IL15RA: variants seen among roughly 807,000 people sequenced by gnomAD.
The protein encoded by IL15RA is interleukin-15 receptor subunit alpha.
Under a neutral mutation model 24.2 loss-of-function variants are expected in IL15RA, and 26 were observed. The ratio of observed to expected loss-of-function variants is 1.07; its 90% CI spans 0.79 to 1.49. The LOEUF (loss-of-function observed/expected upper bound fraction) is 1.49. Ranked by LOEUF, IL15RA falls within the 40% of genes most tolerant of loss-of-function variation. The pLI is 0.00. For synonymous variants in IL15RA, 166 were observed against 157.6 expected (o/e 1.05, Z -0.40); for missense variants, 354 against 356.4 (o/e 0.99, Z 0.05).
chr10:5,950,581 G>A (rs17146980), downstream of IL15RA, among the ~76,000 whole-genome samples: 17,365 of 152,190 alleles, frequency 0.11, 1,220 homozygotes, highest in South Asian at 0.18. This position sits in a 1 kb window ranked among gnomAD's most constrained non-coding sequence, Gnocchi z 5.6. Context: ...CAAAGGACCT[G>A]TGTTGATTCC....
chr10:5,956,273 C>A, intron 6 of IL15RA, 106 bp downstream of exon 6: 1 of 875,324 alleles, frequency 1.1e-6, no homozygotes, highest in Non-Finnish European at 1.9e-6. Context: ...CCTTGGCCTC[C>A]CAAAGTGCTG....
upstream of IL15RA, chr10:5,977,723 C>G: frequency 9.2e-7 from 1 of 1,091,054 alleles, no homozygotes; most frequent in Non-Finnish European, 1.2e-6. Flanking sequence ...ACCGCACAGC[C>G]ACCCCTGTCC....
chr10:5,971,006 A>G lies in IL15RA; in HGVS notation c.89-4667T>C, dbSNP rs1347515649. On this transcript the variant is annotated intron_variant, in intron 1 of 6. Coordinates refer to ENST00000379977, the MANE Select transcript of IL15RA (RefSeq NM_002189.4). This position sits in a 1 kb window ranked among gnomAD's most constrained non-coding sequence, Gnocchi z 5.5. ...CTCCTGAACTCAAGCCGTCCTCCAG[A>G]GATAATACATTTAATTGAAGCAATA... Among the ~76,000 whole-genome samples, 2 of 152,048 alleles carry G rather than the reference A, an allele frequency of 1.3e-5. No individual in the cohort carries two copies. Among genetic ancestry groups the G allele is most frequent in the Non-Finnish European group, 2.9e-5 (2 of 68,006 alleles).
Position 5,953,898 on chromosome 10 carries a change from T to A in IL15RA, c.693-692A>T, listed in dbSNP as rs1834141241. The A allele has an allele frequency of 6.4e-6, 1 of 155,278 alleles. No homozygotes were observed. Among genetic ancestry groups the A allele is most frequent in the Non-Finnish European group, 1.4e-5 (1 of 69,938 alleles). 9.6% of individuals were successfully genotyped at this position (155,278 alleles called of 1,614,324 possible). The stretch of plus-strand genomic sequence containing the variant: ...TGCCTGGGTGCTGATGCCCTGGGCA[T>A]CTGGCCGGCACCTTCTACCAGGGCT... On this transcript the variant is annotated intron_variant, in intron 6 of 6. Transcript: ENST00000379977. The surrounding 1 kb of genome is among the most constrained non-coding windows in gnomAD (Gnocchi z 5.3).
chr10:5,969,852 A>G (rs564800045), intron 1 of IL15RA, among the ~76,000 whole-genome samples: 3 of 152,364 alleles, frequency 2.0e-5, no homozygotes, highest in African/African-American at 4.8e-5. Context: ...TTCTCCAGAA[A>G]TGTTTTATAA....
chr10:5,977,186 G>A (rs921623637), intron 1 of IL15RA: 3 of 347,982 alleles, frequency 8.6e-6, no homozygotes, highest in Non-Finnish European at 1.0e-5. Flanking sequence ...GGTGACCCGG[G>A]CGCAGCGGCG....
Position 5,962,515 on chromosome 10 carries a change from C to T in IL15RA, c.382+1228G>A, listed in dbSNP as rs1157203722. On this transcript the variant is annotated intron_variant, in intron 3 of 6. Transcript: ENST00000379977. The surrounding 1 kb of genome is among the most constrained non-coding windows in gnomAD (Gnocchi z 5.2). ...GCTGAGGCAGGAAAATCACTTGAAC[C>T]TGGGAGGCAGAGGTTGCAGTGAGCC... Among the ~76,000 whole-genome samples, 1 of 151,038 alleles carries T rather than the reference C, an allele frequency of 6.6e-6. No individual in the cohort carries two copies. The highest frequency in any genetic ancestry group is 1.5e-5 in the Non-Finnish European group (1 of 67,908).
chr10:5,975,496 G>A lies in IL15RA; in HGVS notation c.88+1909C>T, dbSNP rs1265478671. On this transcript the variant is annotated intron_variant, in intron 1 of 6. Coordinates refer to ENST00000379977, the MANE Select transcript of IL15RA (RefSeq NM_002189.4). The surrounding 1 kb of genome is among the most constrained non-coding windows in gnomAD (Gnocchi z 4.8). ...CTTGGTGGTGGCAGTGGTTTCATGA[G>A]TATGTATGCATTTACCTCCAAACTT... is the stretch of plus-strand genomic sequence containing the variant. 6.6e-6 allele frequency among the ~76,000 whole-genome samples: 1 copy of A among 150,802 alleles called. No homozygotes were observed. The highest frequency in any genetic ancestry group is 2.5e-5 in the African/African-American group (1 of 40,378).
intron 1 of IL15RA, among the ~76,000 whole-genome samples, chr10:5,972,161 A>G (rs762190356): frequency 6.6e-6 from 1 of 152,058 alleles, no homozygotes; most frequent in Non-Finnish European, 1.5e-5. Context: ...AACAAGAGCA[A>G]CCTTTCCACC....
rs1836793653 is a variant in IL15RA at position 5,967,565 on chromosome 10, C to T, written c.89-1226G>A. Among the ~76,000 whole-genome samples, 1 of 152,216 alleles carries T rather than the reference C, an allele frequency of 6.6e-6. No homozygotes were observed. The highest frequency in any genetic ancestry group is 1.5e-5 in the Non-Finnish European group (1 of 68,032). On this transcript the variant is annotated intron_variant, in intron 1 of 6. Transcript: ENST00000379977. This position sits in a 1 kb window ranked among gnomAD's most constrained non-coding sequence, Gnocchi z 4.4. The stretch of plus-strand genomic sequence containing the variant: ...TATTCCCCATGAAGCATCATTTTCC[C>T]AAAGGCTGCTGTTGCTTTCAGCTCT...
chr10:5,966,412 G>A lies in IL15RA; in HGVS notation c.89-73C>T. 7.9e-7 allele frequency: 1 copy of A among 1,269,092 alleles called. No individual in the cohort carries two copies. The highest frequency in any genetic ancestry group is 1.1e-6 in the Non-Finnish European group (1 of 889,074). 78.6% of individuals were successfully genotyped at this position (1,269,092 alleles called of 1,614,324 possible). ...AAGAGGCGTTCTCCAGGCACACGCAGCGGTAGTCAGTGTCCAGCTTATCCT... is the reference window on the plus strand; with the variant it reads ...AAGAGGCGTTCTCCAGGCACACGCAACGGTAGTCAGTGTCCAGCTTATCCT... On this transcript the variant is annotated intron_variant, in intron 1 of 6. Coordinates refer to ENST00000379977, the MANE Select transcript of IL15RA (RefSeq NM_002189.4). This position sits in a 1 kb window ranked among gnomAD's most constrained non-coding sequence, Gnocchi z 6.4.
At chr10:5,954,820 A>G (rs1251043161) in intron 6 of IL15RA, among the ~76,000 whole-genome samples, 1 of 152,192 alleles carries the variant, frequency 6.6e-6, no homozygotes, top group South Asian at 2.1e-4. Context: ...GAAATTCTGT[A>G]GTTATTAATA....
Position 5,952,897 on chromosome 10 carries a change from G to A in IL15RA, c.*198C>T. On this transcript the variant is annotated 3_prime_UTR_variant, in exon 7 of 7. Coordinates refer to ENST00000379977, the MANE Select transcript of IL15RA (RefSeq NM_002189.4). ...AAGGCACGACAGGCAGGCAGGTGGT[G>A]CCCATGGGAATGCGGAGAACCTGCT... is the stretch of plus-strand genomic sequence containing the variant. The A allele has an allele frequency of 1.6e-6, 1 of 607,912 alleles. No homozygotes were observed. The highest frequency in any genetic ancestry group is 2.9e-6 in the Non-Finnish European group (1 of 340,958). The allele number at this position is 607,912 out of a possible 1,614,324, so 37.7% of individuals were successfully genotyped here.
In IL15RA at chr10:5,960,178, A is replaced by T. The variant is rs1210374759; in HGVS notation, c.583+189T>A. The stretch of plus-strand genomic sequence containing the variant: ...GTGGGCTTGCTTTTGCAGCTGCCCC[A>T]GCCACAGAGAAAGCCACGGAGAAAG... On this transcript the variant is annotated intron_variant, in intron 4 of 6. Coordinates refer to ENST00000379977, the MANE Select transcript of IL15RA (RefSeq NM_002189.4). This position sits in a 1 kb window ranked among gnomAD's most constrained non-coding sequence, Gnocchi z 5.1. Among the ~76,000 whole-genome samples, 1 of 152,174 alleles carries T rather than the reference A, an allele frequency of 6.6e-6. No individual in the cohort carries two copies. Among genetic ancestry groups the T allele is most frequent in the Non-Finnish European group, 1.5e-5 (1 of 68,034 alleles).
chr10:5,962,323 G>T lies in IL15RA; in HGVS notation c.382+1420C>A, dbSNP rs1262663201. On this transcript the variant is annotated intron_variant, in intron 3 of 6. Transcript: ENST00000379977. This position sits in a 1 kb window ranked among gnomAD's most constrained non-coding sequence, Gnocchi z 5.2. ...GAACCACCTGTGGGCTGGGTGCAGT[G>T]GCTCACACCTGTAATCCCAGCACTT... 1.3e-5 allele frequency among the ~76,000 whole-genome samples: 2 copies of T among 152,166 alleles called. No individual in the cohort carries two copies.
rs1836650099 is a variant in IL15RA, at chr10:5,966,892, A to G, written c.89-553T>C. 6.6e-6 allele frequency among the ~76,000 whole-genome samples: 1 copy of G among 151,854 alleles called. No individual in the cohort carries two copies. The highest frequency in any genetic ancestry group is 1.5e-5 in the Non-Finnish European group (1 of 67,954). ...GAGGCTGAGGCAGGAGAATTGCTTG[A>G]ACCTGGGAGGCAGAGGTTGCAGTGA... is the stretch of plus-strand genomic sequence containing the variant. On this transcript the variant is annotated intron_variant, in intron 1 of 6. Coordinates refer to ENST00000379977, the MANE Select transcript of IL15RA (RefSeq NM_002189.4). This position sits in a 1 kb window ranked among gnomAD's most constrained non-coding sequence, Gnocchi z 6.4.
intron 1 of IL15RA, among the ~76,000 whole-genome samples, chr10:5,969,314 TAATTA>T (rs1466134643): frequency 1.3e-5 from 2 of 149,260 alleles, no homozygotes; most frequent in East Asian, 3.9e-4. Context: ...TTTTTTAATT[TAATTA>T]AATTTTTAAA....
At chr10:5,951,370 T>A (rs924068778), downstream of IL15RA, among the ~76,000 whole-genome samples, 4 of 152,000 alleles carry the variant, frequency 2.6e-5, no homozygotes, top group Non-Finnish European at 5.9e-5. Flanking sequence ...TTTGAGAATG[T>A]CTGATGACAT....
rs3136620 is a variant in IL15RA at position 5,959,479 on chromosome 10, G to A, written c.616+275C>T. On this transcript the variant is annotated intron_variant, in intron 5 of 6. Coordinates refer to ENST00000379977, the MANE Select transcript of IL15RA (RefSeq NM_002189.4). The surrounding 1 kb of genome is among the most constrained non-coding windows in gnomAD (Gnocchi z 4.1). ...GAGGTGCACCCTGCTGTGAAGAGCT[G>A]ACCTTGAGCCCTTATTTGGGGTGCC... 0.22 allele frequency among the ~76,000 whole-genome samples: 33,878 copies of A among 152,180 alleles called. 4,160 individuals are homozygous for A. The highest frequency in any genetic ancestry group is 0.32 in the African/African-American group (13,175 of 41,512).
Sources: gnomAD v4.1 joint callset for allele counts (sites outside exome capture counted in the v4.1 genomes callset) on GRCh38, gnomAD v4.1.1 for gene constraint, Gnocchi (gnomAD v3.1) non-coding constraint, MANE v1.5 for transcripts, NCBI Gene and HGNC (gene_info 2026-07-23, HGNC 2026-07-21) for gene names.